TBXAS1: variants seen among roughly 807,000 people sequenced by gnomAD.
The protein encoded by TBXAS1 is thromboxane A synthase 1.
Under a neutral mutation model 60.7 loss-of-function variants are expected in TBXAS1, and 48 were observed. The ratio of observed to expected loss-of-function variants is 0.79; its 90% CI spans 0.63 to 1.01. The LOEUF (loss-of-function observed/expected upper bound fraction) is 1.01. TBXAS1 is among the 50% of genes least tolerant of loss of function. The pLI is 0.00. For missense variants in TBXAS1, 685 were observed against 686.3 expected, an observed-to-expected ratio of 1.00 and a Z score of 0.02; for synonymous variants, 287 against 269.7, an observed-to-expected ratio of 1.06 and a Z score of -0.63.
At chr7:139,935,010 C>T (rs773904596) in intron 4 of TBXAS1, among the ~76,000 whole-genome samples, 17 of 152,170 alleles carry the variant, frequency 1.1e-4, no homozygotes, top group African/African-American at 2.4e-4. Flanking sequence ...GAGGGCATTT[C>T]GCCATGTTGA....
At chr7:139,984,121 C>T (rs554572234) in intron 9 of TBXAS1, among the ~76,000 whole-genome samples, 1 of 152,346 alleles carries the variant, frequency 6.6e-6, no homozygotes, top group African/African-American at 2.4e-5. Context: ...GGACCCCTTA[C>T]CCGGCCATGT....
chr7:139,813,202 G>A (rs1204784157), intron 4 of TBXAS1, among the ~76,000 whole-genome samples: 2 of 152,252 alleles, frequency 1.3e-5, no homozygotes, highest in African/African-American at 2.4e-5. Flanking sequence ...ATTCCTGTTT[G>A]AGGATAAGAG....
At chr7:140,001,320 C>A (rs1813657562) in intron 9 of TBXAS1, among the ~76,000 whole-genome samples, 1 of 152,176 alleles carries the variant, frequency 6.6e-6, no homozygotes, top group South Asian at 2.1e-4. Flanking sequence ...CTCAGTCCCC[C>A]ACATTTTTGA....
Position 139,829,304 on chromosome 7 carries a change from A to C in TBXAS1, c.-87A>C. 1 of 1,273,346 alleles carries C rather than the reference A, an allele frequency of 7.9e-7. No homozygotes were observed. The highest frequency in any genetic ancestry group is 1.1e-6 in the Non-Finnish European group (1 of 889,982). The allele number at this position is 1,273,346 out of a possible 1,614,324, so 78.9% of individuals were successfully genotyped here. On this transcript the variant is annotated 5_prime_UTR_variant, in exon 1 of 13. Transcript: ENST00000448866. ...TGCTTGGTTGCCTGTTCCCTTTTCT[A>C]CCTGCAGAGCACGGTTCCCATAAGG...
chr7:139,962,424 C>A, intron 9 of TBXAS1, 191 bp downstream of exon 9: 1 of 678,418 alleles, frequency 1.5e-6, no homozygotes, highest in Admixed American at 2.5e-5. Context: ...AGAACAATAA[C>A]CACAACAAAA....
rs753031062 is a variant in TBXAS1 at position 139,805,712 on chromosome 7, T to TTCTTTCTC, written c.-80+18289_-80+18290insTTCTCTCT. ...TTTCTTTCTTTCTTTCTTTCTTTCT[T>TTCTTTCTC]TCTCTCTCTCTCTCTCTCTTTCTTT... On this transcript the variant is annotated intron_variant, in intron 4 of 16. Transcript: ENST00000336425. 9.6e-3 allele frequency among the ~76,000 whole-genome samples: 425 copies of TTCTTTCTC among 44,300 alleles called. 2 individuals carry two copies. The highest frequency in any genetic ancestry group is 0.027 in the African/African-American group (330 of 12,340). 29.1% of individuals were successfully genotyped at this position (44,300 alleles called of 152,430 possible).
chr7:139,923,120 C>T (rs543082293), intron 4 of TBXAS1, among the ~76,000 whole-genome samples: 1 of 151,898 alleles, frequency 6.6e-6, no homozygotes, highest in East Asian at 1.9e-4. Flanking sequence ...GAGTTTGAGA[C>T]CAGCCTGGGT....
At chr7:139,970,879 G>C (rs1027568407) in intron 9 of TBXAS1, among the ~76,000 whole-genome samples, 1 of 152,000 alleles carries the variant, frequency 6.6e-6, no homozygotes, top group Non-Finnish European at 1.5e-5. Context: ...CACATCCAAC[G>C]GGACCCTCAG....
chr7:139,855,089 T>C (rs1268310964), intron 1 of TBXAS1, among the ~76,000 whole-genome samples: 1 of 152,150 alleles, frequency 6.6e-6, no homozygotes, highest in African/African-American at 2.4e-5. Flanking sequence ...GACTGGGTCA[T>C]GAGGGCAAAG....
chr7:139,977,669 T>C (rs2117484311), intron 9 of TBXAS1, among the ~76,000 whole-genome samples: 1 of 152,168 alleles, frequency 6.6e-6, no homozygotes, highest in South Asian at 2.1e-4. Context: ...GCAGAGCCTC[T>C]CCCTCCACCA....
intron 4 of TBXAS1, chr7:139,914,165 G>C (rs1805775291): frequency 6.6e-6 from 1 of 151,570 alleles, no homozygotes; most frequent in African/African-American, 2.4e-5. Flanking sequence ...AGGTAGCTGG[G>C]ACTGCATGTG....
intron 3 of TBXAS1, among the ~76,000 whole-genome samples, chr7:139,882,884 T>A (rs1307052481): frequency 2.0e-5 from 3 of 152,200 alleles, no homozygotes; most frequent in Non-Finnish European, 4.4e-5. Flanking sequence ...CATCATTCAG[T>A]GAGTGAAATA....
At chr7:139,784,084 T>G (rs1797096598) in intron 3 of TBXAS1, among the ~76,000 whole-genome samples, 1 of 151,180 alleles carries the variant, frequency 6.6e-6, no homozygotes, top group South Asian at 2.1e-4. Flanking sequence ...TAGGTTTTTG[T>G]TTTTGTTTTT....
At chr7:140,015,547 C>T (rs1412571267) in intron 10 of TBXAS1, among the ~76,000 whole-genome samples, 176 bp from the exon 11 acceptor site, 1 of 152,082 alleles carries the variant, frequency 6.6e-6, no homozygotes, top group Admixed American at 6.6e-5. Context: ...GGGGTAGGGG[C>T]TTGGTCACCC....
chr7:139,966,608 A>AT (rs1810806941), intron 9 of TBXAS1, among the ~76,000 whole-genome samples: 1 of 152,208 alleles, frequency 6.6e-6, no homozygotes, highest in South Asian at 2.1e-4. Context: ...ACTTGAAACC[A>AT]TTTGGTGTTT....
chr7:139,936,431 T>C, intron 5 of TBXAS1, 124 bp downstream of exon 5: 2 of 970,172 alleles, frequency 2.1e-6, no homozygotes, highest in Non-Finnish European at 3.3e-6. Context: ...CCTTTCCCAC[T>C]GGGACCTTCA....
chr7:139,800,114 C>A (rs1029366600), intron 4 of TBXAS1, among the ~76,000 whole-genome samples: 2 of 152,184 alleles, frequency 1.3e-5, no homozygotes, highest in Admixed American at 6.5e-5. Flanking sequence ...GGCAATGCCA[C>A]CCTTTATTGA....
chr7:139,783,666 G>A (rs1347770277), intron 3 of TBXAS1, among the ~76,000 whole-genome samples: 1 of 152,206 alleles, frequency 6.6e-6, no homozygotes, highest in Non-Finnish European at 1.5e-5. Context: ...AAGCCTGCAG[G>A]TCCTGTTAAG....
chr7:139,813,772 C>T (rs1359372295), intron 4 of TBXAS1, among the ~76,000 whole-genome samples: 1 of 152,184 alleles, frequency 6.6e-6, no homozygotes, highest in Non-Finnish European at 1.5e-5. Context: ...GGATGACAGG[C>T]ATACAATGTG....
Sources: allele counts gnomAD v4.1 joint callset (sites outside exome capture counted in the v4.1 genomes callset), GRCh38; gene constraint gnomAD v4.1.1; transcripts MANE v1.5; gene names NCBI Gene and HGNC (gene_info 2026-07-23, HGNC 2026-07-21).